PDIA2: variants seen among roughly 807,000 people sequenced by gnomAD.
PDIA2 encodes the protein protein disulfide-isomerase A2.
PDIA2 carries 76 observed loss-of-function variants against 51.1 expected under a neutral mutation model. That is an observed-to-expected ratio of 1.49 (90% CI 1.24 to 1.80). The LOEUF (loss-of-function observed/expected upper bound fraction) is 1.80. Ranked by LOEUF, PDIA2 falls within the 40% of genes most tolerant of loss-of-function variation. PDIA2 has a pLI of 0.00. For missense variants in PDIA2, 946 were observed against 706.5 expected (o/e 1.34, Z -3.84); for synonymous variants, 429 against 309.9 (o/e 1.38, Z -4.04).
In PDIA2 at chr16:285,381, G is replaced by A. The variant is rs768369627; in HGVS notation, c.865G>A (p.Ala289Thr). The A allele has an allele frequency of 7.4e-6, 12 of 1,612,584 alleles. No individual in the cohort carries two copies. In the South Asian group the frequency reaches 9.9e-5, roughly 13 times the overall value. Reference sequence around the variant, plus strand: ...GCTGTTTGTCAACCAGACGCTGGCTGCGCACCGGGAGCTCCTAGCGGGCTT... The same window carrying A: ...GCTGTTTGTCAACCAGACGCTGGCTACGCACCGGGAGCTCCTAGCGGGCTT... ...LLLFVNQTLA[A>T]HRELLAGFGE... is the part of the protein sequence containing the mutation. Residue 289 changes from alanine to threonine, a missense_variant, in exon 6 of 11, where the codon GCG becomes ACG. By Grantham distance (58) the Ala-to-Thr change is moderately conservative. Transcript: ENST00000219406.
At chr16:285,909 C>A (rs1423766584) in intron 7 of PDIA2, among the ~76,000 whole-genome samples, 16 of 95,400 alleles carry the variant, frequency 1.7e-4, no homozygotes, top group African/African-American at 6.0e-4. Context: ...TTCTCCCAAC[C>A]CCAACCCCGC....
Position 286,479 on chromosome 16 carries a change from T to C in PDIA2, c.1240+6T>C, listed in dbSNP as rs2052381505. The C allele has an allele frequency of 6.2e-7, 1 of 1,612,426 alleles. No individual in the cohort carries two copies. ...GAATGTGTTTGTCAAGTTCTGTGAG[T>C]GTTGAGGGAGGCAGGGGTGGTGTGG... is the stretch of plus-strand genomic sequence containing the variant. On this transcript the variant is annotated splice_donor_region_variant and intron_variant, in intron 8 of 10. Transcript: ENST00000219406.
Position 284,996 on chromosome 16 carries a change from C to CTGTCCT in PDIA2, c.662_663insCCTTGT (p.Val221_Val222insLeuVal). The CTGTCCT allele has an allele frequency of 6.2e-7, 1 of 1,613,404 alleles. No homozygotes were observed. The highest frequency in any genetic ancestry group is 8.5e-7 in the Non-Finnish European group (1 of 1,180,024). On this transcript the variant is annotated inframe_insertion, in exon 4 of 11. Transcript: ENST00000219406. ...CAGCAGTTTGGCCTCACCAAGGACA[C>CTGTCCT]TGTGGTTCTCTTCAAGAAGGTAGGT...
chr16:286,744 G>C lies in PDIA2; in HGVS notation c.1422+9G>C, dbSNP rs1452571060. On this transcript the variant is annotated intron_variant, in intron 9 of 10. Transcript: ENST00000219406. ...CAGGGCCAGGTCGGAAGGTATGGCG[G>C]ACAGGTGGCTGGGGAGGAAGCCGGG... 1.2e-6 allele frequency: 2 copies of C among 1,612,812 alleles called. No individual in the cohort carries two copies. The highest frequency in any genetic ancestry group is 1.7e-5 in the Admixed American group (1 of 60,012).
At chr16:285,227 G>A (rs1206461748) in intron 5 of PDIA2, 27 bp downstream of exon 5, 4 of 1,612,644 alleles carry the variant, frequency 2.5e-6, no homozygotes, top group African/African-American at 1.3e-5. Flanking sequence ...GCCTGGGCTG[G>A]GGGTGTCCCA....
rs1164664156 is a variant in PDIA2, at chr16:284,656, C to A, written c.407-3C>A. The A allele has an allele frequency of 1.3e-6, 2 of 1,597,208 alleles. No homozygotes were observed. Among genetic ancestry groups the A allele is most frequent in the Admixed American group, 3.4e-5 (2 of 58,462 alleles). ...GGCCGAGGCTGAGGGGGACTCCCTG[C>A]AGGACCACGGGACGCTGAGGGCATT... On this transcript the variant is annotated splice_polypyrimidine_tract_variant and splice_region_variant and intron_variant, in intron 2 of 10. Transcript: ENST00000219406.
Position 287,114 on chromosome 16 carries a change from C to A in PDIA2, c.*1C>A. 1 of 1,612,576 alleles carries A rather than the reference C, an allele frequency of 6.2e-7. No homozygotes were observed. The highest frequency in any genetic ancestry group is 1.3e-5 in the African/African-American group (1 of 75,042). On this transcript the variant is annotated 3_prime_UTR_variant, in exon 11 of 11. Coordinates refer to ENST00000219406, the MANE Select transcript of PDIA2 (RefSeq NM_006849.4). ...TATGGGGTCCAAGGAGGAACTGTAG[C>A]TGCCCCCGTGTCACCCCCGCCATCA...
In PDIA2 at chr16:284,925, C is replaced by A. The variant is rs543187098; in HGVS notation, c.588C>A (p.Asp196Glu). The A allele has an allele frequency of 6.2e-7, 1 of 1,612,942 alleles. No individual in the cohort carries two copies. Residue 196 changes from aspartate to glutamate, a missense_variant, in exon 4 of 11, where the codon GAC (aspartate) becomes GAA (glutamate). Asp to Glu is a conservative substitution (Grantham distance 45). Transcript: ENST00000219406. ...DVATFLALAQ[D>E]ALDMTFGLTD... is the part of the protein sequence containing the mutation. ...CCACCTTCTTGGCCTTGGCCCAGGACGCCCTGGACATGACCTTTGGCCTCA... is the reference window on the plus strand; with the variant it reads ...CCACCTTCTTGGCCTTGGCCCAGGAAGCCCTGGACATGACCTTTGGCCTCA...
In PDIA2 at chr16:286,564, G is replaced by C. The variant is rs544466936; in HGVS notation, c.1251G>C (p.Trp417Cys). The part of the protein sequence containing the change: ...KNVFVKFYAP[W>C]CTHCKEMAPA... ...CGGCTCCCATCCTAGATGCCCCGTG[G>C]TGCACCCACTGCAAGGAGATGGCCC... The change falls in exon 9 of 11, where the codon TGG becomes TGC. Residue 417 changes from tryptophan (W) to cysteine (C), a missense_variant. Trp to Cys is a radical substitution (Grantham distance 215, BLOSUM62 -2). Coordinates refer to ENST00000219406, the MANE Select transcript of PDIA2 (RefSeq NM_006849.4). The C allele has an allele frequency of 6.2e-7, 1 of 1,612,920 alleles. No individual in the cohort carries two copies. The highest frequency in any genetic ancestry group is 8.5e-7 in the Non-Finnish European group (1 of 1,179,962).
In PDIA2 at chr16:283,372, A is replaced by T; in HGVS notation, c.199+4A>T. 2 of 1,587,978 alleles carry T rather than the reference A, an allele frequency of 1.3e-6. No individual in the cohort carries two copies. Among genetic ancestry groups the T allele is most frequent in the South Asian group, 1.1e-5 (1 of 88,068 alleles). The stretch of plus-strand genomic sequence containing the variant: ...CCTGCCCTGCTGGTGGAATTCTGTG[A>T]GTGCTGGGGCCAGTGGGGCTGGGGA... On this transcript the variant is annotated splice_donor_region_variant and intron_variant, in intron 1 of 10. Coordinates refer to ENST00000219406, the MANE Select transcript of PDIA2 (RefSeq NM_006849.4).
chr16:284,326 G>T (rs770510878), intron 1 of PDIA2, 61 bp from the exon 2 acceptor site: 18 of 1,460,954 alleles, frequency 1.2e-5, no homozygotes, highest in Non-Finnish European at 1.7e-5. Context: ...GGGTTGTCAG[G>T]TGTGGAGAGG....
chr16:285,693 G>A lies in PDIA2; in HGVS notation c.1109G>A (p.Gly370Asp), dbSNP rs757287656. Residue 370 changes from glycine to aspartate, a missense_variant, in exon 7 of 11, where the codon GGC becomes GAC. By Grantham distance (94) the Gly-to-Asp change is moderately conservative (BLOSUM62 -1). Transcript: ENST00000219406. ...ITAFCHAVLN[G>D]QVKPYLLSQE... ...GCTTTCTGCCATGCAGTCCTCAACGGCCAAGTCAAGGTCCGCTGCAGACTG... is the reference window on the plus strand; with the variant it reads ...GCTTTCTGCCATGCAGTCCTCAACGACCAAGTCAAGGTCCGCTGCAGACTG... 6 of 1,612,762 alleles carry A rather than the reference G, an allele frequency of 3.7e-6. No homozygotes were observed. In the South Asian group the frequency reaches 4.4e-5, roughly 12 times the overall value.
chr16:283,262 G>A lies in PDIA2; in HGVS notation c.93G>A (p.Glu31=), dbSNP rs1224830898. The change falls in exon 1 of 11, where the codon GAG becomes GAA. Residue 31 remains glutamate, a synonymous_variant. Transcript: ENST00000219406. ...GQEQGARSPS[E]EPPEEEIPKE... Reference sequence around the variant, plus strand: ...AACAGGGAGCGAGGAGCCCCTCGGAGGAGCCTCCAGAGGAGGAAATCCCCA... The same window carrying A: ...AACAGGGAGCGAGGAGCCCCTCGGAAGAGCCTCCAGAGGAGGAAATCCCCA... 2 of 1,610,870 alleles carry A rather than the reference G, an allele frequency of 1.2e-6. No individual in the cohort carries two copies. The highest frequency in any genetic ancestry group is 2.7e-5 in the African/African-American group (2 of 74,824).
rs771720140 is a variant in PDIA2, at chr16:284,664, C to T, written c.412C>T (p.Arg138Trp). The T allele has an allele frequency of 4.4e-5, 70 of 1,594,798 alleles. No homozygotes were observed. In the East Asian group the frequency reaches 4.7e-4, roughly 11 times the overall value. ...RTHPEEYTGP[R>W]DAEGIAEWLR... ...CTGAGGGGGACTCCCTGCAGGACCA[C>T]GGGACGCTGAGGGCATTGCCGAGTG... is the stretch of plus-strand genomic sequence containing the variant. Residue 138 changes from arginine to tryptophan, a missense_variant, in exon 3 of 11, where the codon CGG becomes TGG. Physicochemically the swap from Arg to Trp is moderately radical, Grantham distance 101. Transcript: ENST00000219406.
In PDIA2 at chr16:285,839, T is replaced by TCCCAACCTGGCGGTTCTCCCAAC. The variant is rs2052351029; in HGVS notation, c.1119+143_1119+144insTGGCGGTTCTCCCAACCCCAACC. On this transcript the variant is annotated intron_variant, in intron 7 of 10. Transcript: ENST00000219406. ...GAGGCCCCCCTCAACCCGGCAATTC[T>TCCCAACCTGGCGGTTCTCCCAAC]CCCAACCCGGCGGTTCTCCCAACCC... 7 of 953,924 alleles carry TCCCAACCTGGCGGTTCTCCCAAC rather than the reference T, an allele frequency of 7.3e-6. No homozygotes were observed. The East Asian group carries it at 1.7e-4, about 23-fold the overall frequency. The allele number at this position is 953,924 out of a possible 1,614,324, so 59.1% of individuals were successfully genotyped here. A position where few individuals can be genotyped will look rare whatever the true frequency, so the allele number is the denominator to read the frequency against.
At chr16:283,735 G>C (rs1409243565) in intron 1 of PDIA2, among the ~76,000 whole-genome samples, 2 of 152,234 alleles carry the variant, frequency 1.3e-5, no homozygotes, top group African/African-American at 4.8e-5. Context: ...GGAGGTCCCT[G>C]ACGTGTGTGC....
intron 10 of PDIA2, 55 bp downstream of exon 10, chr16:287,000 G>A: frequency 6.2e-7 from 1 of 1,612,036 alleles, no homozygotes; most frequent in Non-Finnish European, 8.5e-7. Flanking sequence ...CTTTACACAG[G>A]GCTGGCAGGG....
Position 283,375 on chromosome 16 carries a change from G to C in PDIA2, c.199+7G>C, listed in dbSNP as rs1205669755. The C allele has an allele frequency of 6.3e-7, 1 of 1,584,176 alleles. No homozygotes were observed. The highest frequency in any genetic ancestry group is 1.1e-5 in the South Asian group (1 of 87,556). ...GCCCTGCTGGTGGAATTCTGTGAGT[G>C]CTGGGGCCAGTGGGGCTGGGGACCG... On this transcript the variant is annotated splice_region_variant and intron_variant, in intron 1 of 10. Coordinates refer to ENST00000219406, the MANE Select transcript of PDIA2 (RefSeq NM_006849.4).
chr16:286,193 G>A lies in PDIA2; in HGVS notation c.1120-160G>A, dbSNP rs521534. ...GAGGATCTCCCCCCCACCTGCCCCC[G>A]GCCCCGCACAGGACCTCCCCCCCAC... On this transcript the variant is annotated intron_variant, in intron 7 of 10. Transcript: ENST00000219406. 0.18 allele frequency among the ~76,000 whole-genome samples: 442 copies of A among 2,492 alleles called. 38 individuals are homozygous for A. The highest frequency in any genetic ancestry group is 0.25 in the Middle Eastern group (1 of 4). 1.6% of individuals were successfully genotyped at this position (2,492 alleles called of 152,430 possible). A position where few individuals can be genotyped will look rare whatever the true frequency, so the allele number is the denominator to read the frequency against.
Sources: allele counts gnomAD v4.1 joint callset (sites outside exome capture counted in the v4.1 genomes callset), GRCh38; gene constraint gnomAD v4.1.1; transcripts MANE v1.5; gene names NCBI Gene and HGNC (gene_info 2026-07-23, HGNC 2026-07-21).